FAM13A: variants seen among roughly 807,000 people sequenced by gnomAD.
FAM13A encodes the protein protein FAM13A.
Under a neutral mutation model 129.6 loss-of-function variants are expected in FAM13A, and 76 were observed. The ratio of observed to expected loss-of-function variants is 0.59; its 90% CI spans 0.49 to 0.71. The LOEUF is 0.71. Among genes scored for constraint, FAM13A ranks in the 30% least tolerant of loss-of-function variants. The pLI is 0.00. For synonymous variants in FAM13A, 443 were observed against 449.9 expected, an observed-to-expected ratio of 0.98 and a Z score of 0.20; for missense variants, 1,108 against 1,249.3, an observed-to-expected ratio of 0.89 and a Z score of 1.70.
chr4:88,974,951 G>A (rs1760701629), intron 4 of FAM13A, among the ~76,000 whole-genome samples: 8 of 152,058 alleles, frequency 5.3e-5, no homozygotes, highest in Admixed American at 5.2e-4. Flanking sequence ...ATTACATAAG[G>A]AGCCTTCTTC....
At chr4:89,037,597 T>C (rs142706137) in intron 1 of FAM13A, among the ~76,000 whole-genome samples, 251 of 152,328 alleles carry the variant, frequency 1.6e-3, no homozygotes, top group African/African-American at 5.5e-3. Flanking sequence ...AAGGAATGAT[T>C]GTATTTTGCA....
chr4:88,848,260 A>T (rs1276562529), intron 7 of FAM13A, among the ~76,000 whole-genome samples: 2 of 152,170 alleles, frequency 1.3e-5, no homozygotes, highest in Non-Finnish European at 2.9e-5. Flanking sequence ...TAATGTGGAA[A>T]GTGTCCTTGT....
intron 3 of FAM13A, among the ~76,000 whole-genome samples, chr4:88,992,009 G>T (rs1219082165): frequency 6.6e-6 from 1 of 152,066 alleles, no homozygotes; most frequent in Non-Finnish European, 1.5e-5. Context: ...CAAGAAACTT[G>T]TTAGGTCTGT....
intron 6 of FAM13A, among the ~76,000 whole-genome samples, chr4:88,879,772 C>T (rs1321063846): frequency 2.0e-5 from 3 of 152,168 alleles, no homozygotes; most frequent in African/African-American, 7.2e-5. Flanking sequence ...AGGGGCTGCT[C>T]TGTCAGGCCA....
At chr4:88,962,878 T>G (rs1758814702) in intron 4 of FAM13A, among the ~76,000 whole-genome samples, 1 of 152,176 alleles carries the variant, frequency 6.6e-6, no homozygotes, top group Non-Finnish European at 1.5e-5. Flanking sequence ...GTATAAAGAT[T>G]AACGTTAGTT....
intron 7 of FAM13A, among the ~76,000 whole-genome samples, chr4:88,831,618 A>G (rs185152091): frequency 2.1e-4 from 32 of 152,352 alleles, no homozygotes; most frequent in African/African-American, 7.0e-4. Context: ...AAATATATTT[A>G]AAATAAAAAT....
intron 5 of FAM13A, among the ~76,000 whole-genome samples, chr4:88,931,906 A>G (rs1238727580): frequency 1.3e-5 from 2 of 152,238 alleles, no homozygotes; most frequent in Non-Finnish European, 2.9e-5. Context: ...AAAAGGAGAG[A>G]TAATACAATC....
At chr4:88,850,866 T>C (rs1249426687) in intron 7 of FAM13A, among the ~76,000 whole-genome samples, 154 bp downstream of exon 7, 2 of 152,170 alleles carry the variant, frequency 1.3e-5, no homozygotes, top group African/African-American at 2.4e-5. Flanking sequence ...AGTCAGAAAA[T>C]TCTCAAAACA....
At chr4:89,032,613 T>C (rs978939276) in intron 1 of FAM13A, among the ~76,000 whole-genome samples, 2 of 152,218 alleles carry the variant, frequency 1.3e-5, no homozygotes, top group South Asian at 4.1e-4. Context: ...AATTAAGTAC[T>C]GGTGACCTTG....
chr4:89,019,050 T>C (rs932779847), intron 3 of FAM13A, among the ~76,000 whole-genome samples: 1 of 152,144 alleles, frequency 6.6e-6, no homozygotes, highest in African/African-American at 2.4e-5. Context: ...GCAGGAGGCA[T>C]TGCTGATGTG....
intron 3 of FAM13A, among the ~76,000 whole-genome samples, chr4:88,993,674 TAG>T (rs1238618509): frequency 8.5e-5 from 13 of 152,120 alleles, no homozygotes; most frequent in African/African-American, 3.1e-4. Context: ...CGGATGTATT[TAG>T]AGAGTTTCAT....
At position 88,938,154 on chromosome 4, in the gene FAM13A, A is replaced by G; in HGVS notation, c.693T>C (p.Phe231=). Residue 231 remains phenylalanine (F), a synonymous_variant, in exon 5 of 24, where the codon TTT becomes TTC. Coordinates refer to ENST00000264344, the MANE Select transcript of FAM13A (RefSeq NM_014883.4). ...GATCATTTTCTGTATACTCTACTTCAAACAGGGTATTGTAATTTTCTAGAA... is the reference window on the plus strand; with the variant it reads ...GATCATTTTCTGTATACTCTACTTCGAACAGGGTATTGTAATTTTCTAGAA... ...AKILENYNTL[F]EVEYTENDHL... 1 of 1,613,230 alleles carries G rather than the reference A, an allele frequency of 6.2e-7. No individual in the cohort carries two copies. The highest frequency in any genetic ancestry group is 8.5e-7 in the Non-Finnish European group (1 of 1,179,274).
At chr4:88,896,751 AT>A (rs1746409702) in intron 6 of FAM13A, among the ~76,000 whole-genome samples, 1 of 152,228 alleles carries the variant, frequency 6.6e-6, no homozygotes, top group African/African-American at 2.4e-5. Flanking sequence ...ACTCTGTTTA[AT>A]AAAAGAAACA....
intron 6 of FAM13A, among the ~76,000 whole-genome samples, chr4:88,879,314 C>T (rs935156284): frequency 3.9e-5 from 6 of 152,082 alleles, no homozygotes; most frequent in Non-Finnish European, 7.4e-5. Context: ...TTGATTCTCA[C>T]AAAAACTCTG....
chr4:88,942,871 TAAAA>T (rs1755014912), intron 4 of FAM13A, among the ~76,000 whole-genome samples: 1 of 152,188 alleles, frequency 6.6e-6, no homozygotes, highest in African/African-American at 2.4e-5. Flanking sequence ...TTTCCTGTTT[TAAAA>T]CAAGGTTTTC....
chr4:88,781,047 A>C (rs554719166), intron 11 of FAM13A, 118 bp downstream of exon 11: 1 of 571,878 alleles, frequency 1.7e-6, no homozygotes, highest in African/African-American at 1.9e-5. Context: ...AGTAGCTCTA[A>C]GGTCTCTTCC....
intron 7 of FAM13A, among the ~76,000 whole-genome samples, chr4:88,843,186 T>A (rs1040970211): frequency 6.6e-6 from 1 of 152,194 alleles, no homozygotes; most frequent in Non-Finnish European, 1.5e-5. Flanking sequence ...TACGTCTTTC[T>A]TATGAAAGCC....
At chr4:88,788,478 T>TA (rs1362138486) in intron 9 of FAM13A, among the ~76,000 whole-genome samples, 1 of 152,210 alleles carries the variant, frequency 6.6e-6, no homozygotes, top group African/African-American at 2.4e-5. Context: ...CAGCATGGCA[T>TA]AATCTTTCCT....
chr4:89,002,637 G>A (rs370623449), intron 3 of FAM13A, among the ~76,000 whole-genome samples: 2 of 152,116 alleles, frequency 1.3e-5, no homozygotes, highest in African/African-American at 4.8e-5. Context: ...CTTCCAAAGT[G>A]AAGTATGCCA....
Sources: allele counts gnomAD v4.1 joint callset (sites outside exome capture counted in the v4.1 genomes callset), GRCh38; gene constraint gnomAD v4.1.1; transcripts MANE v1.5; gene names NCBI Gene and HGNC (gene_info 2026-07-23, HGNC 2026-07-21).